Variants in CD2AP observed in about 807,000 individuals in gnomAD.
The protein encoded by CD2AP is CD2 associated protein, also known as CD2-associated protein.
Under a neutral mutation model 85.1 loss-of-function variants are expected in CD2AP, and 46 were observed. The ratio of observed to expected loss-of-function variants is 0.54; its 90% CI spans 0.43 to 0.69. The LOEUF (loss-of-function observed/expected upper bound fraction) is 0.69, where lower values mean the gene tolerates loss of function less well. CD2AP is among the 30% of genes least tolerant of loss of function. CD2AP has a pLI of 0.00. For synonymous variants in CD2AP, 255 were observed against 252.9 expected, an observed-to-expected ratio of 1.01 and a Z score of -0.08; for missense variants, 769 against 729.5, an observed-to-expected ratio of 1.05 and a Z score of -0.62.
chr6:47,578,666 T>TG (rs1331194427), intron 8 of CD2AP, among the ~76,000 whole-genome samples: 1 of 151,530 alleles, frequency 6.6e-6, no homozygotes, highest in Non-Finnish European at 1.5e-5. Context: ...TCTTTTTTTT[T>TG]TTTTTGAGAT....
intron 11 of CD2AP, among the ~76,000 whole-genome samples, chr6:47,585,309 A>C (rs1419823533): frequency 6.6e-6 from 1 of 152,084 alleles, no homozygotes; most frequent in Non-Finnish European, 1.5e-5. Context: ...TCTCAAAAAA[A>C]AAAAAAGGAA....
rs57832054 is a variant in CD2AP at position 47,568,743 on chromosome 6, C to CAAAT, written c.542-5306_542-5303dup. 4.7e-3 allele frequency among the ~76,000 whole-genome samples: 708 copies of CAAAT among 150,412 alleles called. 4 individuals carry two copies. The highest frequency in any genetic ancestry group is 0.018 in the Middle Eastern group (5 of 284). The stretch of plus-strand genomic sequence containing the variant: ...TGGGTGACAGAGTGAGACTCCGTCT[C>CAAAT]AAATAAATAAATAAATAAGGAAACG... On this transcript the variant is annotated intron_variant, in intron 5 of 17. Coordinates refer to ENST00000359314, the MANE Select transcript of CD2AP (RefSeq NM_012120.3).
At chr6:47,608,576 C>T (rs1228111736) in intron 15 of CD2AP, among the ~76,000 whole-genome samples, 1 of 152,126 alleles carries the variant, frequency 6.6e-6, no homozygotes, top group Non-Finnish European at 1.5e-5. Context: ...TTTTTGTCAG[C>T]GTTTCCAATT....
chr6:47,521,986 G>C lies in CD2AP; in HGVS notation c.166-11616G>C, dbSNP rs578152568. ...GCCGAGATCATGCCATTGCACTCTA[G>C]CCTGGGCAACAAGAGCGAAACTCTG... On this transcript the variant is annotated intron_variant, in intron 2 of 17. Transcript: ENST00000359314. 3.4e-4 allele frequency among the ~76,000 whole-genome samples: 51 copies of C among 151,820 alleles called. 1 individual carries two copies. The highest frequency in any genetic ancestry group is 2.2e-3 in the Admixed American group (33 of 15,246).
chr6:47,594,186 A>C, intron 11 of CD2AP, among the ~76,000 whole-genome samples: 1 of 152,056 alleles, frequency 6.6e-6, no homozygotes, highest in East Asian at 1.9e-4. Flanking sequence ...TTTTAGAAGT[A>C]GATAAAGGTG....
At chr6:47,479,410 ACTCGC>A (rs1294007121) in intron 1 of CD2AP, among the ~76,000 whole-genome samples, 1 of 152,052 alleles carries the variant, frequency 6.6e-6, no homozygotes, top group East Asian at 1.9e-4. Context: ...GTTTATAGAC[ACTCGC>A]CTAGCTATCC....
intron 13 of CD2AP, among the ~76,000 whole-genome samples, chr6:47,600,740 C>G (rs1394674903): frequency 6.6e-6 from 1 of 151,788 alleles, no homozygotes; most frequent in East Asian, 1.9e-4. Flanking sequence ...TTTTATTGAG[C>G]TTATCAGTAA....
At position 47,486,427 on chromosome 6, in the gene CD2AP, C is replaced by T. The variant is rs544115876; in HGVS notation, c.4+8179C>T. On this transcript the variant is annotated intron_variant, in intron 1 of 17. Coordinates refer to ENST00000359314, the MANE Select transcript of CD2AP (RefSeq NM_012120.3). ...TATGTGAATCCATTAGAAAAATAAA[C>T]GAGAGAGAGAGTATAGGGTCAGTGT... Among the ~76,000 whole-genome samples, 13 of 151,970 alleles carry T rather than the reference C, an allele frequency of 8.6e-5. No individual in the cohort carries two copies. The East Asian group carries it at 1.9e-3, about 23-fold the overall frequency.
chr6:47,484,849 T>A (rs1201518990), intron 1 of CD2AP, among the ~76,000 whole-genome samples: 1 of 151,982 alleles, frequency 6.6e-6, no homozygotes, highest in Admixed American at 6.6e-5. Flanking sequence ...TCATTAGGGG[T>A]TTCTAGTAGA....
chr6:47,520,302 A>C (rs1766552907), intron 2 of CD2AP, among the ~76,000 whole-genome samples: 1 of 152,240 alleles, frequency 6.6e-6, no homozygotes, highest in Non-Finnish European at 1.5e-5. Flanking sequence ...ATATTGGTTG[A>C]GGACCTTGGA....
chr6:47,549,356 T>G (rs1416502587), intron 4 of CD2AP, among the ~76,000 whole-genome samples: 1 of 151,652 alleles, frequency 6.6e-6, no homozygotes, highest in African/African-American at 2.4e-5. Flanking sequence ...TCAGCAAAGT[T>G]TCCGGGTACA....
intron 5 of CD2AP, among the ~76,000 whole-genome samples, chr6:47,555,691 A>G (rs1767663306): frequency 6.6e-6 from 1 of 152,176 alleles, no homozygotes; most frequent in South Asian, 2.1e-4. Context: ...ATATGTTTTA[A>G]TCTATCTTTA....
chr6:47,624,074 G>GA, intron 17 of CD2AP, 112 bp from the exon 18 acceptor site: 3 of 907,118 alleles, frequency 3.3e-6, no homozygotes, highest in Non-Finnish European at 3.5e-6. Flanking sequence ...TTTAGGTCTG[G>GA]AAAAAAAGTC....
chr6:47,571,261 A>G lies in CD2AP; in HGVS notation c.542-2803A>G, dbSNP rs572479883. Among the ~76,000 whole-genome samples, 8 of 152,326 alleles carry G rather than the reference A, an allele frequency of 5.3e-5. No individual in the cohort carries two copies. The East Asian group carries it at 1.4e-3, about 26-fold the overall frequency. ...AACTATATAGAATACACTTCTGGCA[A>G]TGCAGGAGCAAGATGGTATGGAATT... On this transcript the variant is annotated intron_variant, in intron 5 of 17. Coordinates refer to ENST00000359314, the MANE Select transcript of CD2AP (RefSeq NM_012120.3).
chr6:47,482,973 C>G (rs1765482976), intron 1 of CD2AP, among the ~76,000 whole-genome samples: 1 of 152,080 alleles, frequency 6.6e-6, no homozygotes, highest in South Asian at 2.1e-4. Context: ...TTGGGTGGAG[C>G]TGCAGACCTG....
chr6:47,489,826 G>T (rs1765678287), intron 1 of CD2AP, among the ~76,000 whole-genome samples: 2 of 152,156 alleles, frequency 1.3e-5, no homozygotes, highest in Admixed American at 6.5e-5. Flanking sequence ...TTTTGAGAAG[G>T]AAGATTGTTG....
chr6:47,496,972 C>T (rs1349848054), intron 1 of CD2AP, among the ~76,000 whole-genome samples: 1 of 152,046 alleles, frequency 6.6e-6, no homozygotes, highest in Non-Finnish European at 1.5e-5. Flanking sequence ...TTACTCTTTC[C>T]TTTACGAACC....
At chr6:47,523,335 T>C (rs1766643503) in intron 2 of CD2AP, among the ~76,000 whole-genome samples, 1 of 152,220 alleles carries the variant, frequency 6.6e-6, no homozygotes, top group Admixed American at 6.5e-5. Flanking sequence ...AAATGGTAGA[T>C]GTTAATTAGC....
At chr6:47,493,469 T>C (rs1386936875) in intron 1 of CD2AP, among the ~76,000 whole-genome samples, 2 of 152,004 alleles carry the variant, frequency 1.3e-5, no homozygotes, top group Non-Finnish European at 2.9e-5. Context: ...TAGGGTGATA[T>C]TTTGTGATGG....
Sources: gnomAD v4.1 joint callset for allele counts (sites outside exome capture counted in the v4.1 genomes callset) on GRCh38, gnomAD v4.1.1 for gene constraint, MANE v1.5 for transcripts, NCBI Gene and HGNC (gene_info 2026-07-23, HGNC 2026-07-21) for gene names.